Variants in MBP observed in about 807,000 individuals in gnomAD.
MBP encodes the protein myelin basic protein, also known as Golli-MBP.
MBP carries 16 observed loss-of-function variants against 35.8 expected under a neutral mutation model. That is an observed-to-expected ratio of 0.45 (90% CI 0.30 to 0.68). The LOEUF (loss-of-function observed/expected upper bound fraction) is 0.68, where lower values mean the gene tolerates loss of function less well. MBP is among the 30% of genes least tolerant of loss of function. The pLI, the probability that MBP is intolerant of heterozygous loss-of-function variation, is 0.08. For missense variants in MBP, 380 were observed against 404.7 expected, an observed-to-expected ratio of 0.94 and a Z score of 0.52; for synonymous variants, 143 against 159.6, an observed-to-expected ratio of 0.90 and a Z score of 0.78.
At chr18:77,018,032 T>G (rs1971744590) in intron 3 of MBP, among the ~76,000 whole-genome samples, 1 of 152,236 alleles carries the variant, frequency 6.6e-6, no homozygotes, top group Non-Finnish European at 1.5e-5. Flanking sequence ...TAGTTTCCTC[T>G]CCAAACTCTA....
chr18:76,995,736 T>A (rs564014019), intron 4 of MBP, among the ~76,000 whole-genome samples: 41 of 152,306 alleles, frequency 2.7e-4, no homozygotes, highest in Middle Eastern at 3.4e-3. Context: ...TATAAAATTT[T>A]AGAAGCAGCC....
chr18:77,052,394 T>A (rs1435605014), intron 3 of MBP, among the ~76,000 whole-genome samples: 2 of 152,118 alleles, frequency 1.3e-5, no homozygotes, highest in Non-Finnish European at 2.9e-5. Flanking sequence ...TTGTCTGAGC[T>A]CCCCGGGTCC....
chr18:77,021,260 C>T (rs966016012), intron 3 of MBP, among the ~76,000 whole-genome samples: 4 of 152,186 alleles, frequency 2.6e-5, no homozygotes, highest in Non-Finnish European at 2.9e-5. Context: ...GACCCCCGCT[C>T]TGGTGCACAC....
At chr18:77,011,584 C>T (rs1356329139) in intron 4 of MBP, among the ~76,000 whole-genome samples, 1 of 152,132 alleles carries the variant, frequency 6.6e-6, no homozygotes, top group Non-Finnish European at 1.5e-5. Context: ...AACCTGTAAC[C>T]CCGGCTGCCT....
intron 2 of MBP, among the ~76,000 whole-genome samples, chr18:77,083,356 G>A (rs1009435126): frequency 6.6e-6 from 1 of 152,132 alleles, no homozygotes; most frequent in South Asian, 2.1e-4. Context: ...TTACAACGAC[G>A]TCCAGGACCC....
chr18:77,055,948 G>GA (rs1973701304), intron 3 of MBP, among the ~76,000 whole-genome samples: 1 of 152,278 alleles, frequency 6.6e-6, no homozygotes, highest in South Asian at 2.1e-4. Flanking sequence ...AGGAAAAAAA[G>GA]AAAAAACGAA....
chr18:77,042,464 G>T (rs1019904690), intron 3 of MBP, among the ~76,000 whole-genome samples: 2 of 152,278 alleles, frequency 1.3e-5, no homozygotes, highest in Admixed American at 1.3e-4. Context: ...AATATCCAGA[G>T]AATACTTTTA....
intron 1 of MBP, chr18:77,127,468 T>C (rs1977088074): frequency 1.3e-5 from 2 of 152,098 alleles, no homozygotes; most frequent in Admixed American, 1.3e-4. Context: ...GGAGAAAATC[T>C]TCGGGAACCT....
intron 2 of MBP, among the ~76,000 whole-genome samples, chr18:77,073,232 A>ATG (rs1974519918): frequency 6.6e-6 from 1 of 152,168 alleles, no homozygotes; most frequent in Admixed American, 6.5e-5. Context: ...GTATATATAT[A>ATG]AAAAGACTAG....
At chr18:77,128,495 TAC>T (rs746821818) in intron 1 of MBP, among the ~76,000 whole-genome samples, 18 of 149,304 alleles carry the variant, frequency 1.2e-4, no homozygotes, top group Non-Finnish European at 2.4e-4. Flanking sequence ...GTGATAAAAT[TAC>T]AGAGAACTAA....
chr18:77,078,504 C>A (rs1437259873), intron 2 of MBP, among the ~76,000 whole-genome samples: 1 of 152,230 alleles, frequency 6.6e-6, no homozygotes, highest in Non-Finnish European at 1.5e-5. Context: ...CTCATCAGCT[C>A]CAGCTCCAGC....
At chr18:77,079,227 C>T (rs553691468) in intron 2 of MBP, among the ~76,000 whole-genome samples, 1 of 152,202 alleles carries the variant, frequency 6.6e-6, no homozygotes, top group Non-Finnish European at 1.5e-5. Flanking sequence ...CACCCAAGAG[C>T]AGCCACCTGG....
At chr18:76,993,361 T>G (rs891493229) in intron 4 of MBP, among the ~76,000 whole-genome samples, 2 of 115,738 alleles carry the variant, frequency 1.7e-5, no homozygotes, top group African/African-American at 6.1e-5. Context: ...GAGACCACCC[T>G]GGGCAATATG....
intron 8 of MBP, chr18:76,983,937 C>G (rs1010439044): frequency 6.6e-6 from 1 of 152,274 alleles, no homozygotes; most frequent in African/African-American, 2.4e-5. Flanking sequence ...CTCTCTGCAC[C>G]CCGGGGAGCA....
intron 4 of MBP, among the ~76,000 whole-genome samples, chr18:76,992,463 G>A (rs1229433135): frequency 6.6e-6 from 1 of 152,142 alleles, no homozygotes; most frequent in African/African-American, 2.4e-5. Flanking sequence ...CCGGTCCAGG[G>A]CCTGGGGGCT....
At chr18:77,036,358 G>T (rs1972766105) in intron 3 of MBP, among the ~76,000 whole-genome samples, 1 of 140,268 alleles carries the variant, frequency 7.1e-6, no homozygotes, top group Admixed American at 6.9e-5. Flanking sequence ...AGCAAGTGCT[G>T]GTCACATTTT....
At chr18:77,004,204 C>T (rs1970785796) in intron 4 of MBP, 1 of 151,974 alleles carries the variant, frequency 6.6e-6, no homozygotes, top group Non-Finnish European at 1.5e-5. Flanking sequence ...CTTTTCAATA[C>T]TAGTTAAATA....
chr18:77,092,672 G>A (rs1975583999), intron 2 of MBP, among the ~76,000 whole-genome samples: 1 of 152,090 alleles, frequency 6.6e-6, no homozygotes, highest in African/African-American at 2.4e-5. Flanking sequence ...AGTTACAGAC[G>A]CAGGGTGCAA....
At chr18:77,007,251 A>G (rs150361355) in intron 4 of MBP, among the ~76,000 whole-genome samples, 468 of 152,284 alleles carry the variant, frequency 3.1e-3, no homozygotes, top group African/African-American at 0.011. Flanking sequence ...AAGCATCCCA[A>G]AGTACCGGAG....
Sources: gnomAD v4.1 joint callset for allele counts (sites outside exome capture counted in the v4.1 genomes callset) on GRCh38, gnomAD v4.1.1 for gene constraint, MANE v1.5 for transcripts, NCBI Gene and HGNC (gene_info 2026-07-23, HGNC 2026-07-21) for gene names.